Variants in LRRFIP2 observed in about 807,000 individuals in gnomAD.
LRRFIP2 encodes leucine-rich repeat flightless-interacting protein 2.
In LRRFIP2, 109 loss-of-function variants were observed where a neutral mutation model predicts 125.9. That is an observed-to-expected ratio of 0.87 (90% CI 0.74 to 1.01). The LOEUF (loss-of-function observed/expected upper bound fraction) is 1.01. LRRFIP2 is among the 50% of genes least tolerant of loss of function. The pLI, the probability that LRRFIP2 is intolerant of heterozygous loss-of-function variation, is 0.00. For missense variants in LRRFIP2, 850 were observed against 862.3 expected, an observed-to-expected ratio of 0.99 and a Z score of 0.18; for synonymous variants, 291 against 293.1, an observed-to-expected ratio of 0.99 and a Z score of 0.07.
chr3:37,173,778 C>A (rs2096618736), intron 1 of LRRFIP2, among the ~76,000 whole-genome samples: 1 of 152,204 alleles, frequency 6.6e-6, no homozygotes, highest in African/African-American at 2.4e-5. Flanking sequence ...AAGAGTTCTT[C>A]AAGAAATTGC....
intron 25 of LRRFIP2, 74 bp from the exon 26 acceptor site, chr3:37,055,239 G>T: frequency 1.2e-6 from 1 of 850,132 alleles, no homozygotes; most frequent in Non-Finnish European, 1.9e-6. Flanking sequence ...CAGTACCTCT[G>T]TGGCACAGAG....
chr3:37,158,623 T>C (rs1370913546), intron 1 of LRRFIP2, among the ~76,000 whole-genome samples: 2 of 144,418 alleles, frequency 1.4e-5, no homozygotes, highest in East Asian at 4.0e-4. Flanking sequence ...AAAAAAAGTA[T>C]GAAATAAAGC....
At chr3:37,104,842 CTT>C (rs879779918) in intron 14 of LRRFIP2, among the ~76,000 whole-genome samples, 1 of 144,880 alleles carries the variant, frequency 6.9e-6, no homozygotes, top group African/African-American at 2.5e-5. Flanking sequence ...GTTCACAAGT[CTT>C]TTTTTTTTTT....
intron 2 of LRRFIP2, among the ~76,000 whole-genome samples, chr3:37,146,726 T>C (rs2095864824): frequency 6.6e-6 from 1 of 152,202 alleles, no homozygotes; most frequent in South Asian, 2.1e-4. Flanking sequence ...TGATGGGCAT[T>C]TGAGTTGATG....
At chr3:37,091,586 A>G in intron 17 of LRRFIP2, 48 bp from the exon 18 acceptor site, 2 of 1,313,956 alleles carry the variant, frequency 1.5e-6, no homozygotes, top group Non-Finnish European at 2.1e-6. Flanking sequence ...GCACAAACGT[A>G]TCTTAAATCG....
rs138813183 is a variant in LRRFIP2, at chr3:37,161,561, A to G, written c.-55-12523T>C. 1.1e-4 allele frequency among the ~76,000 whole-genome samples: 17 copies of G among 152,264 alleles called. No individual in the cohort carries two copies. In the East Asian group the frequency reaches 3.3e-3, roughly 29 times the overall value. Reference sequence around the variant, plus strand: ...GCTTTCCACAAAGTCTCGGGTAAAGAGGAAATGGAGAGTGACTGCTATGGT... The same window carrying G: ...GCTTTCCACAAAGTCTCGGGTAAAGGGGAAATGGAGAGTGACTGCTATGGT... On this transcript the variant is annotated intron_variant, in intron 1 of 27. Transcript: ENST00000336686.
At chr3:37,108,259 T>C (rs2094419953) in intron 12 of LRRFIP2, 130 bp from the exon 13 acceptor site, 2 of 710,300 alleles carry the variant, frequency 2.8e-6, no homozygotes, top group Admixed American at 4.9e-5. Context: ...TTCAGTGGTG[T>C]AGAACTCTAC....
At chr3:37,135,032 C>A (rs1014229681) in intron 2 of LRRFIP2, 2 of 1,456,286 alleles carry the variant, frequency 1.4e-6, no homozygotes, top group Non-Finnish European at 9.6e-7. Flanking sequence ...AGAGAGCACA[C>A]GGATCCATAA....
chr3:37,133,353 A>G (rs773500950), intron 2 of LRRFIP2, among the ~76,000 whole-genome samples: 3 of 152,238 alleles, frequency 2.0e-5, no homozygotes, highest in African/African-American at 4.8e-5. Flanking sequence ...TTATATACCA[A>G]TGTTCATAGC....
intron 4 of LRRFIP2, among the ~76,000 whole-genome samples, chr3:37,123,538 G>A (rs2095157138): frequency 6.6e-6 from 1 of 152,180 alleles, no homozygotes; most frequent in African/African-American, 2.4e-5. Flanking sequence ...TCTGCAAGAA[G>A]CCAAGAAAAT....
At chr3:37,105,685 G>A (rs1190344749) in intron 13 of LRRFIP2, among the ~76,000 whole-genome samples, 162 bp from the exon 14 acceptor site, 1 of 152,090 alleles carries the variant, frequency 6.6e-6, no homozygotes, top group East Asian at 1.9e-4. Flanking sequence ...AAAAAAGCTG[G>A]TACAAGGCAT....
At chr3:37,095,170 T>C (rs2149232163) in intron 16 of LRRFIP2, among the ~76,000 whole-genome samples, 1 of 152,318 alleles carries the variant, frequency 6.6e-6, no homozygotes, top group African/African-American at 2.4e-5. Context: ...AAAATCGTTT[T>C]TATGAGGGTT....
chr3:37,126,631 G>A (rs1214026290), intron 4 of LRRFIP2, among the ~76,000 whole-genome samples: 1 of 151,884 alleles, frequency 6.6e-6, no homozygotes, highest in Non-Finnish European at 1.5e-5. Context: ...GGCCGAGGCG[G>A]GCGGATCACC....
chr3:37,102,041 T>C (rs1253013475), intron 15 of LRRFIP2, among the ~76,000 whole-genome samples: 1 of 152,238 alleles, frequency 6.6e-6, no homozygotes, highest in East Asian at 1.9e-4. Flanking sequence ...GACACTTTAC[T>C]AAGTGCTATA....
chr3:37,065,826 T>C lies in LRRFIP2; in HGVS notation c.1683A>G (p.Ala561=). Residue 561 remains alanine, a synonymous_variant, in exon 23 of 28, where the codon GCA becomes GCG. Coordinates refer to ENST00000336686, the MANE Select transcript of LRRFIP2 (RefSeq NM_006309.4). ...SQEAAQVLES[A]GEGPLDVRLR... ...GTATCTTACCTAATGGCCCTTCTCC[T>C]GCTGACTCCAAGACCTGAGCAGCTT... 1 of 1,614,204 alleles carries C rather than the reference T, an allele frequency of 6.2e-7. No homozygotes were observed. The highest frequency in any genetic ancestry group is 1.1e-5 in the South Asian group (1 of 91,084).
intron 18 of LRRFIP2, among the ~76,000 whole-genome samples, chr3:37,087,024 G>A (rs1042272058): frequency 5.9e-5 from 9 of 151,870 alleles, no homozygotes; most frequent in Admixed American, 3.3e-4. Context: ...ACCACACCTG[G>A]CTAATTTTTT....
intron 2 of LRRFIP2, among the ~76,000 whole-genome samples, chr3:37,139,336 C>T (rs2095633756): frequency 6.6e-6 from 1 of 152,016 alleles, no homozygotes; most frequent in South Asian, 2.1e-4. Context: ...AAAACAACAA[C>T]AAAACAGGAA....
chr3:37,054,131 ATTGT>A (rs1400721024), intron 27 of LRRFIP2, among the ~76,000 whole-genome samples, 170 bp from the exon 28 acceptor site: 7 of 152,312 alleles, frequency 4.6e-5, no homozygotes, highest in African/African-American at 1.2e-4. Flanking sequence ...GATACTGAGG[ATTGT>A]TTATTTGTTT....
intron 2 of LRRFIP2, among the ~76,000 whole-genome samples, chr3:37,145,493 T>A (rs2095835933): frequency 6.6e-6 from 1 of 152,192 alleles, no homozygotes; most frequent in South Asian, 2.1e-4. Flanking sequence ...CCATCTGAAT[T>A]TTTTTCTCCA....
Sources: gnomAD v4.1 joint callset for allele counts (sites outside exome capture counted in the v4.1 genomes callset) on GRCh38, gnomAD v4.1.1 for gene constraint, MANE v1.5 for transcripts, NCBI Gene and HGNC (gene_info 2026-07-23, HGNC 2026-07-21) for gene names.